CASQ2: variants seen among roughly 807,000 people sequenced by gnomAD.
The protein encoded by CASQ2 is calsequestrin-2.
Under a neutral mutation model 46.5 loss-of-function variants are expected in CASQ2, and 49 were observed. That is an observed-to-expected ratio of 1.05 (90% CI 0.84 to 1.34). CASQ2 has a LOEUF of 1.34. Among genes scored for constraint, CASQ2 ranks in the 40% most tolerant of loss-of-function variants. The pLI is 0.00. For synonymous variants in CASQ2, 174 were observed against 168.5 expected, an observed-to-expected ratio of 1.03 and a Z score of -0.25; for missense variants, 486 against 481.3, an observed-to-expected ratio of 1.01 and a Z score of -0.09.
At chr1:115,750,208 AG>A (rs1444681284) in intron 1 of CASQ2, among the ~76,000 whole-genome samples, 1 of 152,224 alleles carries the variant, frequency 6.6e-6, no homozygotes, top group African/African-American at 2.4e-5. Context: ...TGAGAAAAAA[AG>A]GTAGAGTCAA....
Position 115,732,624 on chromosome 1 carries a change from C to G in CASQ2, c.606+277G>C, listed in dbSNP as rs568823741. 7.9e-5 allele frequency among the ~76,000 whole-genome samples: 12 copies of G among 152,264 alleles called. No homozygotes were observed. In the South Asian group the frequency reaches 2.1e-3, roughly 26 times the overall value. Reference sequence around the variant, plus strand: ...GCTCAGTGGGCTGGCACACTCTGGGCCCACACGTTTCCCATCTCAGTGTAT... The same window carrying G: ...GCTCAGTGGGCTGGCACACTCTGGGGCCACACGTTTCCCATCTCAGTGTAT... On this transcript the variant is annotated intron_variant, in intron 5 of 10. Transcript: ENST00000261448.
intron 3 of CASQ2, 118 bp from the exon 4 acceptor site, chr1:115,738,453 C>G: frequency 1.3e-6 from 1 of 755,942 alleles, no homozygotes; most frequent in Non-Finnish European, 2.4e-6. Context: ...CCTCAAATAT[C>G]TATTCCATTC....
Position 115,732,987 on chromosome 1 carries a change from A to G in CASQ2, c.533-13T>C, listed in dbSNP as rs1273628533. On this transcript the variant is annotated splice_polypyrimidine_tract_variant and intron_variant, in intron 4 of 10. Coordinates refer to ENST00000261448, the MANE Select transcript of CASQ2 (RefSeq NM_001232.4). ...AAAGCCTTGTAGTCTAAGGGGAAAA[A>G]TAAAGATGAAGGGAGAGACATTTTC... 5 of 1,592,618 alleles carry G rather than the reference A, an allele frequency of 3.1e-6. 1 individual carries two copies. The Middle Eastern group carries it at 5.0e-4, about 158-fold the overall frequency.
chr1:115,755,802 C>G (rs1648740318), intron 1 of CASQ2, among the ~76,000 whole-genome samples: 1 of 152,174 alleles, frequency 6.6e-6, no homozygotes, highest in African/African-American at 2.4e-5. Context: ...GAGGAGCGTA[C>G]TGTGGCTTAG....
At chr1:115,706,542 C>A (rs1013375612) in intron 8 of CASQ2, among the ~76,000 whole-genome samples, 3 of 152,146 alleles carry the variant, frequency 2.0e-5, no homozygotes, top group Non-Finnish European at 4.4e-5. Flanking sequence ...GGGTGGAGGA[C>A]CTTAATTATC....
intron 7 of CASQ2, among the ~76,000 whole-genome samples, chr1:115,718,781 G>A (rs1461067909): frequency 1.3e-5 from 2 of 152,170 alleles, no homozygotes; most frequent in African/African-American, 4.8e-5. Flanking sequence ...TACACCCTGG[G>A]CAGCAAGGAC....
chr1:115,706,781 CTG>C (rs1409401074), intron 8 of CASQ2, among the ~76,000 whole-genome samples: 2 of 152,216 alleles, frequency 1.3e-5, no homozygotes, highest in African/African-American at 4.8e-5. Flanking sequence ...CCTATGGCCT[CTG>C]TTTAGCAAAC....
rs566418464 is a variant in CASQ2, at chr1:115,733,768, G to A, written c.533-794C>T. On this transcript the variant is annotated intron_variant, in intron 4 of 10. Transcript: ENST00000261448. ...ATGCTATAAGCCTGAGAGTCAATGA[G>A]CCTGTGATTTATTCTTAACAAGATT... Among the ~76,000 whole-genome samples, 75 of 152,284 alleles carry A rather than the reference G, an allele frequency of 4.9e-4. No individual in the cohort carries two copies. In the South Asian group the frequency reaches 9.7e-3, roughly 20 times the overall value.
rs72554058 is a variant in CASQ2 at position 115,732,817 on chromosome 1, A to G, written c.606+84T>C. On this transcript the variant is annotated intron_variant, in intron 5 of 10. Transcript: ENST00000261448. ...AAGGGAGGATGGTTAATGTTGCTAA[A>G]AGAAAAGAAAGAGTGGTGAGAGTTC... is the stretch of plus-strand genomic sequence containing the variant. 1.4e-3 allele frequency: 1,357 copies of G among 955,994 alleles called. 1 individual carries two copies. The highest frequency in any genetic ancestry group is 2.2e-3 in the Non-Finnish European group (1,276 of 581,024). The allele number at this position is 955,994 out of a possible 1,614,324, so 59.2% of individuals were successfully genotyped here.
intron 6 of CASQ2, among the ~76,000 whole-genome samples, chr1:115,725,976 A>G (rs933664647): frequency 6.6e-6 from 1 of 152,238 alleles, no homozygotes; most frequent in African/African-American, 2.4e-5. Flanking sequence ...CCTTTGTTTT[A>G]TCATCTGGTG....
chr1:115,764,602 C>A (rs1301066310), intron 1 of CASQ2, among the ~76,000 whole-genome samples: 1 of 152,154 alleles, frequency 6.6e-6, no homozygotes, highest in African/African-American at 2.4e-5. Flanking sequence ...GGGTTCAGAG[C>A]AACCTAGATG....
chr1:115,749,898 T>C lies in CASQ2; in HGVS notation c.235-4986A>G, dbSNP rs991691494. On this transcript the variant is annotated intron_variant, in intron 1 of 10. Coordinates refer to ENST00000261448, the MANE Select transcript of CASQ2 (RefSeq NM_001232.4). ...TTGGCTGCAGAGCGCAGCTCCATGT[T>C]CATCTTTCACCCCATTCTCCTCTCT... Among the ~76,000 whole-genome samples, 4 of 152,312 alleles carry C rather than the reference T, an allele frequency of 2.6e-5. No homozygotes were observed. The East Asian group carries it at 5.8e-4, about 22-fold the overall frequency.
intron 2 of CASQ2, among the ~76,000 whole-genome samples, chr1:115,742,567 C>T (rs966429624): frequency 3.9e-5 from 6 of 152,186 alleles, no homozygotes; most frequent in African/African-American, 1.2e-4. Flanking sequence ...GTGTATCAAG[C>T]GCCATCATAT....
chr1:115,722,089 A>C (rs1411467975), intron 7 of CASQ2, among the ~76,000 whole-genome samples: 3 of 152,110 alleles, frequency 2.0e-5, no homozygotes, highest in Non-Finnish European at 4.4e-5. Flanking sequence ...GACACTGGAG[A>C]GGCCTGTCCT....
At chr1:115,762,708 G>A (rs373363063) in intron 1 of CASQ2, among the ~76,000 whole-genome samples, 12 of 152,134 alleles carry the variant, frequency 7.9e-5, no homozygotes, top group Non-Finnish European at 1.0e-4. Flanking sequence ...AAGCTCACCC[G>A]GAAAAAGCTT....
At chr1:115,705,502 A>G (rs1654332096) in intron 8 of CASQ2, among the ~76,000 whole-genome samples, 1 of 152,244 alleles carries the variant, frequency 6.6e-6, no homozygotes, top group Non-Finnish European at 1.5e-5. Flanking sequence ...ACAAAGGATT[A>G]AAAGTTCACA....
chr1:115,753,012 G>T (rs1648634456), intron 1 of CASQ2, among the ~76,000 whole-genome samples: 1 of 152,234 alleles, frequency 6.6e-6, no homozygotes, highest in African/African-American at 2.4e-5. Context: ...TCAAAGAAGA[G>T]GGAGGAGGCA....
At chr1:115,726,401 G>A (rs574360250) in intron 6 of CASQ2, among the ~76,000 whole-genome samples, 13 of 152,172 alleles carry the variant, frequency 8.5e-5, no homozygotes, top group South Asian at 4.1e-4. Context: ...TGCCACAGCC[G>A]CAGTTAAGTA....
At chr1:115,724,915 T>G (rs541788145) in intron 7 of CASQ2, among the ~76,000 whole-genome samples, 1 of 152,272 alleles carries the variant, frequency 6.6e-6, no homozygotes, top group South Asian at 2.1e-4. Context: ...TGTGTTACTG[T>G]GTGGCTCTGA....
Sources: gnomAD v4.1 joint callset for allele counts (sites outside exome capture counted in the v4.1 genomes callset) on GRCh38, gnomAD v4.1.1 for gene constraint, MANE v1.5 for transcripts, NCBI Gene and HGNC (gene_info 2026-07-23, HGNC 2026-07-21) for gene names.